The following POMT1 variants were observed in gnomAD, a reference collection of about 807,000 sequenced individuals.
The protein encoded by POMT1 is protein O-mannosyltransferase 1.
In POMT1, 85 loss-of-function variants were observed where a neutral mutation model predicts 101.6. The ratio of observed to expected loss-of-function variants is 0.84; its 90% CI spans 0.70 to 1.00. POMT1 has a LOEUF of 1.00. POMT1 is among the 50% of genes least tolerant of loss of function. The probability of loss-of-function intolerance (pLI) is 0.00; values close to 1 mark genes in which losing one functional copy is unlikely to be tolerated. For missense variants in POMT1, 857 were observed against 930.4 expected (o/e 0.92, Z 1.03); for synonymous variants, 371 against 383.0 (o/e 0.97, Z 0.37).
intron 18 of POMT1, among the ~76,000 whole-genome samples, 188 bp from the exon 19 acceptor site, chr9:131,521,859 G>C (rs1289027318): frequency 6.6e-6 from 1 of 152,192 alleles, no homozygotes; most frequent in East Asian, 1.9e-4. Context: ...CAGCCAGGCC[G>C]GGCGCGGTGG....
chr9:131,522,001 C>T lies in POMT1; in HGVS notation c.1826-46C>T. 2 of 1,612,160 alleles carry T rather than the reference C, an allele frequency of 1.2e-6. No individual in the cohort carries two copies. Among genetic ancestry groups the T allele is most frequent in the Non-Finnish European group, 1.7e-6 (2 of 1,179,816 alleles). ...AAAGCAAAAGAGAGAGAAGACCCGG[C>T]CTGTGGGAGCAGCAGAGTCGGTGTA... On this transcript the variant is annotated intron_variant, in intron 18 of 19. Transcript: ENST00000402686. This position sits in a 1 kb window ranked among gnomAD's most constrained non-coding sequence, Gnocchi z 5.5.
intron 13 of POMT1, among the ~76,000 whole-genome samples, chr9:131,516,165 C>T: frequency 1.0e-5 from 1 of 99,054 alleles, no homozygotes; most frequent in African/African-American, 3.3e-5. Context: ...CACTCTCACA[C>T]TCACACGGAG....
rs888931540 is a variant in POMT1 at position 131,521,255 on chromosome 9, T to A, written c.1699-91T>A. On this transcript the variant is annotated intron_variant, in intron 17 of 19. Transcript: ENST00000402686. ...GCGTTTTTTCACTCTGCTAAAGTAG[T>A]GCGTGCATCTGAATTCCTTTCCTGT... The A allele has an allele frequency of 4.5e-6, 7 of 1,567,996 alleles. No homozygotes were observed. The African/African-American group carries it at 8.1e-5, about 18-fold the overall frequency.
chr9:131,514,695 C>A (rs887868573), intron 12 of POMT1, among the ~76,000 whole-genome samples: 3 of 152,184 alleles, frequency 2.0e-5, no homozygotes, highest in African/African-American at 7.2e-5. Flanking sequence ...CTGGCTCACA[C>A]CTGTAATCCC....
In POMT1 at chr9:131,518,944, CCGATACGGCG is replaced by C; in HGVS notation, c.1477_1486del (p.Tyr493AlafsTer39). 1.2e-6 allele frequency: 2 copies of C among 1,613,642 alleles called. No homozygotes were observed. Among genetic ancestry groups the C allele is most frequent in the South Asian group, 2.2e-5 (2 of 91,090 alleles). On this transcript the variant is annotated frameshift_variant, in exon 15 of 20. Coordinates refer to ENST00000402686, the MANE Select transcript of POMT1 (RefSeq NM_001077365.2). LOFTEE classifies it high-confidence loss of function. ...GCACGGTGTGGAACGTGGAGGAGCA[CCGATACGGCG>C]CGAGTGAGTCCGCGGCGTGGCTTCC...
At position 131,507,420 on chromosome 9, in the gene POMT1, G is replaced by A. The variant is rs531785534; in HGVS notation, c.333G>A (p.Ala111=). The change falls in exon 5 of 20, where the codon GCG becomes GCA. Residue 111 remains alanine, a synonymous_variant. Coordinates refer to ENST00000402686, the MANE Select transcript of POMT1 (RefSeq NM_001077365.2). ...VWSLRLLPAL[A]GALSVPMAYQ... ...CCCTGCGCCTGCTGCCAGCACTCGC[G>A]GGGGCCTTGTCGGTCCCCATGGCCT... The A allele has an allele frequency of 9.3e-6, 15 of 1,614,136 alleles. No homozygotes were observed. Among genetic ancestry groups the A allele is most frequent in the Middle Eastern group, 1.6e-4 (1 of 6,062 alleles).
At position 131,522,177 on chromosome 9, in the gene POMT1, CCTT is replaced by C. The variant is rs1176455327; in HGVS notation, c.1959_1961del (p.Leu655del). 5 of 1,614,142 alleles carry C rather than the reference CCTT, an allele frequency of 3.1e-6. No individual in the cohort carries two copies. The South Asian group carries it at 4.4e-5, about 14-fold the overall frequency. On this transcript the variant is annotated inframe_deletion, in exon 19 of 20. Transcript: ENST00000402686. The surrounding 1 kb of genome is among the most constrained non-coding windows in gnomAD (Gnocchi z 5.5). ...ACCTGCCCGCACTCACCTTCCAAAT[CCTT>C]CTGCTCCCTGTGGTCCTGCAGCACA...
At position 131,519,821 on chromosome 9, in the gene POMT1, T is replaced by C. The variant is rs1271907798; in HGVS notation, c.1585-259T>C. Among the ~76,000 whole-genome samples, 1 of 152,128 alleles carries C rather than the reference T, an allele frequency of 6.6e-6. No homozygotes were observed. Among genetic ancestry groups the C allele is most frequent in the African/African-American group, 2.4e-5 (1 of 41,412 alleles). ...AAACTCACGGTCACAAATCTGAACG[T>C]GACCTTAGAGAGCATTCAGCCCAAT... On this transcript the variant is annotated intron_variant, in intron 16 of 19. Coordinates refer to ENST00000402686, the MANE Select transcript of POMT1 (RefSeq NM_001077365.2). The surrounding 1 kb of genome is among the most constrained non-coding windows in gnomAD (Gnocchi z 4.3).
intron 13 of POMT1, among the ~76,000 whole-genome samples, chr9:131,516,052 T>C (rs1379033209): frequency 1.4e-5 from 2 of 138,192 alleles, no homozygotes; most frequent in African/African-American, 2.7e-5. Flanking sequence ...CACGGAGCAC[T>C]TCCTCTAACA....
rs147704257 is a variant in POMT1, at chr9:131,521,517, A to G, written c.1825+45A>G. The G allele has an allele frequency of 3.0e-4, 472 of 1,595,972 alleles. 2 individuals are homozygous for G. In the African/African-American group the frequency reaches 5.6e-3, roughly 19 times the overall value. On this transcript the variant is annotated intron_variant, in intron 18 of 19. Transcript: ENST00000402686. ...GGCTTTCTTTCTTTTTAATATAGACATGGGGTCTTGCTGTGTTGTCCAGGG... is the reference window on the plus strand; with the variant it reads ...GGCTTTCTTTCTTTTTAATATAGACGTGGGGTCTTGCTGTGTTGTCCAGGG...
rs776691766 is a variant in POMT1 at position 131,518,255 on chromosome 9, G to A, written c.1273-190G>A. On this transcript the variant is annotated intron_variant, in intron 13 of 19. Transcript: ENST00000402686. Reference sequence around the variant, plus strand: ...AGGGTGCACTTCCCCAGCGACCCTCGGAGCAGCCCGGGGTGCTGTGGGCAT... The same window carrying A: ...AGGGTGCACTTCCCCAGCGACCCTCAGAGCAGCCCGGGGTGCTGTGGGCAT... 1.9e-5 allele frequency: 14 copies of A among 721,364 alleles called. No homozygotes were observed. In the Middle Eastern group the frequency reaches 9.3e-4, roughly 48 times the overall value. The allele number at this position is 721,364 out of a possible 1,614,324, so 44.7% of individuals were successfully genotyped here. A position where few individuals can be genotyped will look rare whatever the true frequency, so the allele number is the denominator to read the frequency against.
intron 17 of POMT1, chr9:131,520,962 C>T (rs1949802786): frequency 2.9e-6 from 1 of 344,220 alleles, no homozygotes; most frequent in East Asian, 7.5e-5. Context: ...CCTGCCTCAG[C>T]CTCCAAGTAG....
At position 131,521,645 on chromosome 9, in the gene POMT1, G is replaced by A. The variant is rs145260066; in HGVS notation, c.1825+173G>A. Among the ~76,000 whole-genome samples, 235 of 152,174 alleles carry A rather than the reference G, an allele frequency of 1.5e-3. 8 individuals are homozygous for A. The East Asian group carries it at 0.041, about 27-fold the overall frequency. ...CATTCACCGCCTCAAGTGACAAACC[G>A]ACTTCATAGGAACCTACCCCTTAAC... is the stretch of plus-strand genomic sequence containing the variant. On this transcript the variant is annotated intron_variant, in intron 18 of 19. Coordinates refer to ENST00000402686, the MANE Select transcript of POMT1 (RefSeq NM_001077365.2).
chr9:131,516,377 C>G (rs1156513112), intron 13 of POMT1, among the ~76,000 whole-genome samples: 8 of 147,592 alleles, frequency 5.4e-5, no homozygotes, highest in African/African-American at 2.0e-4. Flanking sequence ...CTTCCTCTAA[C>G]AGAACACTTC....
At chr9:131,511,122 G>A (rs1422493915) in intron 9 of POMT1, 4 of 558,010 alleles carry the variant, frequency 7.2e-6, no homozygotes, top group African/African-American at 1.9e-5. Context: ...GCTGAACTGA[G>A]TGCCTGGCCC....
chr9:131,518,711 T>C (rs916103572), intron 14 of POMT1, 126 bp from the exon 15 acceptor site: 6 of 1,520,100 alleles, frequency 3.9e-6, no homozygotes, highest in Non-Finnish European at 5.5e-6. Context: ...GGAATCCCAA[T>C]GTGAATCTCC....
intron 1 of POMT1, 67 bp from the exon 2 acceptor site, chr9:131,504,122 G>T (rs1197213276): frequency 1.3e-6 from 2 of 1,584,810 alleles, no homozygotes. Context: ...GGAGCCGGGT[G>T]GCTGGGGATC....
Position 131,515,705 on chromosome 9 carries a change from A to G in POMT1, c.1272+183A>G, listed in dbSNP as rs112433379. ...AACACAGGACACTTCCTCACACGGAACACTTCCTCACACGGAGCACTTCCT... is the reference window on the plus strand; with the variant it reads ...AACACAGGACACTTCCTCACACGGAGCACTTCCTCACACGGAGCACTTCCT... On this transcript the variant is annotated intron_variant, in intron 13 of 19. Transcript: ENST00000402686. Among the ~76,000 whole-genome samples, 4,456 of 107,276 alleles carry G rather than the reference A, an allele frequency of 0.042. 175 individuals carry two copies. The highest frequency in any genetic ancestry group is 0.053 in the Non-Finnish European group (2,499 of 47,306). The allele number at this position is 107,276 out of a possible 152,430, so 70.4% of individuals were successfully genotyped here. A position where few individuals can be genotyped will look rare whatever the true frequency, so the allele number is the denominator to read the frequency against.
chr9:131,514,394 G>A (rs927035430), intron 12 of POMT1, among the ~76,000 whole-genome samples: 5 of 152,246 alleles, frequency 3.3e-5, no homozygotes, highest in African/African-American at 1.2e-4. Flanking sequence ...CTGCGAGAAT[G>A]TTCTTGGACT....
Sources: gnomAD v4.1 joint callset for allele counts (sites outside exome capture counted in the v4.1 genomes callset) on GRCh38, gnomAD v4.1.1 for gene constraint, Gnocchi (gnomAD v3.1) non-coding constraint, MANE v1.5 for transcripts, NCBI Gene and HGNC (gene_info 2026-07-23, HGNC 2026-07-21) for gene names.